Variants in C5orf46 observed in about 807,000 individuals in gnomAD.
The protein encoded by C5orf46 is uncharacterized protein C5orf46.
In C5orf46, 9 loss-of-function variants were observed where a neutral mutation model predicts 8.9. The ratio of observed to expected loss-of-function variants is 1.01; its 90% CI spans 0.61 to 1.76. C5orf46 has a LOEUF of 1.76. Among genes scored for constraint, C5orf46 ranks in the 40% most tolerant of loss-of-function variants. C5orf46 has a pLI of 0.00. For missense variants in C5orf46, 98 were observed against 107.8 expected (o/e 0.91, Z 0.40); for synonymous variants, 47 against 41.4 (o/e 1.14, Z -0.52).
Position 147,898,336 on chromosome 5 carries a change from C to A in C5orf46, c.216-1295G>T, listed in dbSNP as rs144186994. 3.6e-3 allele frequency among the ~76,000 whole-genome samples: 543 copies of A among 151,822 alleles called. 4 individuals are homozygous for A. Among genetic ancestry groups the A allele is most frequent in the African/African-American group, 0.013 (526 of 41,396 alleles). On this transcript the variant is annotated intron_variant, in intron 2 of 3. Transcript: ENST00000318315. Reference sequence around the variant, plus strand: ...ATATAGGGTAGAATATTCAGCAATTCGATGAAGGTGATGATGAGCAGGAAG... The same window carrying A: ...ATATAGGGTAGAATATTCAGCAATTAGATGAAGGTGATGATGAGCAGGAAG...
downstream of C5orf46, among the ~76,000 whole-genome samples, chr5:147,888,272 C>T (rs1278598551): frequency 6.6e-6 from 1 of 152,194 alleles, no homozygotes; most frequent in Admixed American, 6.5e-5. Context: ...TGGCTTCTTG[C>T]TTTACTCTGG....
At chr5:147,905,380 T>A (rs981869139) in intron 1 of C5orf46, among the ~76,000 whole-genome samples, 2 of 152,242 alleles carry the variant, frequency 1.3e-5, no homozygotes, top group African/African-American at 4.8e-5. Flanking sequence ...TCAGAGTTTA[T>A]AAGAGACAGG....
chr5:147,896,145 T>C (rs1294069525), intron 3 of C5orf46, among the ~76,000 whole-genome samples: 3 of 152,194 alleles, frequency 2.0e-5, no homozygotes, highest in East Asian at 3.9e-4. Flanking sequence ...TATTCTCCAC[T>C]GCCTTCTCCT....
At chr5:147,893,789 G>A (rs1006179975) in intron 3 of C5orf46, among the ~76,000 whole-genome samples, 9 of 151,878 alleles carry the variant, frequency 5.9e-5, no homozygotes, top group African/African-American at 1.2e-4. Context: ...TGATCTGCCC[G>A]CTCGGCCTCC....
intron 2 of C5orf46, among the ~76,000 whole-genome samples, chr5:147,898,938 A>G (rs967496861): frequency 1.3e-5 from 2 of 152,176 alleles, no homozygotes; most frequent in Non-Finnish European, 2.9e-5. Flanking sequence ...AGCATTTACT[A>G]TGCATCTGAC....
chr5:147,896,933 C>T (rs1438024151), intron 3 of C5orf46, 51 bp downstream of exon 3: 59 of 855,362 alleles, frequency 6.9e-5, no homozygotes, highest in East Asian at 3.0e-4. Context: ...ACTCTTTTTC[C>T]TTTGTCCAAT....
chr5:147,897,003 G>T lies in C5orf46; in HGVS notation c.254C>A (p.Ser85Ter). The T allele has an allele frequency of 1.3e-6, 2 of 1,511,282 alleles. No homozygotes were observed. Among genetic ancestry groups the T allele is most frequent in the Non-Finnish European group, 1.8e-6 (2 of 1,103,216 alleles). The allele number at this position is 1,511,282 out of a possible 1,614,324, so 93.6% of individuals were successfully genotyped here. Residue 85 changes from serine (S) to a stop codon, truncating the protein, a stop_gained, in exon 3 of 4, where the codon TCA (serine) becomes TAA (stop). Coordinates refer to ENST00000318315, the MANE Select transcript of C5orf46 (RefSeq NM_206966.3). LOFTEE classifies it high-confidence loss of function. ...AATCACCTGAGGATGTCACTTTGAT[G>T]AATGTTTTCCTTCATTATCATCAAA... Reference protein sequence around the residue: ...MEFDDNEGKHSSK With the variant: ...MEFDDNEGKH
chr5:147,891,801 G>T (rs1757506219), downstream of C5orf46, among the ~76,000 whole-genome samples: 1 of 152,166 alleles, frequency 6.6e-6, no homozygotes, highest in African/African-American at 2.4e-5. Flanking sequence ...CCTAGAAAAT[G>T]CAGAGTGTGA....
chr5:147,886,778 A>G (rs1757426878), intron 2 of C5orf46: 1 of 151,760 alleles, frequency 6.6e-6, no homozygotes, highest in South Asian at 2.1e-4. Context: ...ATTTTTTGTT[A>G]TTATAAAAAG....
chr5:147,897,843 A>G (rs1326905209), intron 2 of C5orf46, among the ~76,000 whole-genome samples: 1 of 152,182 alleles, frequency 6.6e-6, no homozygotes, highest in East Asian at 1.9e-4. Context: ...AGGCATTTTC[A>G]GCAGAGGGAA....
At position 147,906,464 on chromosome 5, in the gene C5orf46, C is replaced by T; in HGVS notation, c.38G>A (p.Gly13Glu). ...GCAGGTCAGGAATAAGACAAGCAGT[C>T]CCAGGACAACTGTCAGGCGAAGTAC... ...VSVLRLTVVL[G>E]LLVLFLTCYA... Residue 13 changes from glycine (G) to glutamate (E), a missense_variant, in exon 1 of 4, where the codon GGA becomes GAA. Physicochemically the swap from Gly to Glu is moderately conservative, Grantham distance 98. Transcript: ENST00000318315. 6.2e-7 allele frequency: 1 copy of T among 1,611,750 alleles called. No homozygotes were observed. Among genetic ancestry groups the T allele is most frequent in the Non-Finnish European group, 8.5e-7 (1 of 1,178,656 alleles).
intron 2 of C5orf46, chr5:147,886,628 A>T (rs1178658182): frequency 6.6e-6 from 1 of 151,258 alleles, no homozygotes; most frequent in Admixed American, 6.6e-5. Flanking sequence ...TTTTTTCAAG[A>T]CATTTTCTAA....
At position 147,892,758 on chromosome 5, in the gene C5orf46, C is replaced by A. The variant is rs750708371; in HGVS notation, c.*191G>T. ...AAAGCGCCATATTTATTCTAACTTTCTAAAAGCAAAAATGCAGTCAGGGTG... is the reference window on the plus strand; with the variant it reads ...AAAGCGCCATATTTATTCTAACTTTATAAAAGCAAAAATGCAGTCAGGGTG... On this transcript the variant is annotated 3_prime_UTR_variant, in exon 4 of 4. Coordinates refer to ENST00000318315, the MANE Select transcript of C5orf46 (RefSeq NM_206966.3). 3.3e-5 allele frequency: 5 copies of A among 152,202 alleles called. No individual in the cohort carries two copies. The highest frequency in any genetic ancestry group is 5.9e-5 in the Non-Finnish European group (4 of 68,034). 9.4% of individuals were successfully genotyped at this position (152,202 alleles called of 1,614,324 possible).
intron 3 of C5orf46, among the ~76,000 whole-genome samples, chr5:147,896,082 T>G (rs1212766614): frequency 6.6e-6 from 1 of 152,192 alleles, no homozygotes; most frequent in African/African-American, 2.4e-5. Flanking sequence ...AGGGGTGGTG[T>G]TGTATTTCTA....
At chr5:147,903,445 G>A (rs190972285) in intron 1 of C5orf46, among the ~76,000 whole-genome samples, 2 of 152,246 alleles carry the variant, frequency 1.3e-5, no homozygotes, top group Non-Finnish European at 2.9e-5. Flanking sequence ...TTTAACTCAA[G>A]AAGTCCCAAC....
At chr5:147,904,430 C>T (rs1757719183) in intron 1 of C5orf46, among the ~76,000 whole-genome samples, 1 of 152,192 alleles carries the variant, frequency 6.6e-6, no homozygotes, top group Non-Finnish European at 1.5e-5. Flanking sequence ...AATACAACCT[C>T]CAAACAATTG....
intron 1 of C5orf46, among the ~76,000 whole-genome samples, chr5:147,902,710 T>C: frequency 6.6e-6 from 1 of 152,208 alleles, no homozygotes; most frequent in Non-Finnish European, 1.5e-5. Context: ...GATTCTAAAG[T>C]ACTCTATGAT....
At chr5:147,896,048 A>G (rs1757575240) in intron 3 of C5orf46, among the ~76,000 whole-genome samples, 1 of 152,220 alleles carries the variant, frequency 6.6e-6, no homozygotes, top group Admixed American at 6.5e-5. Context: ...CTGAATATGC[A>G]GATAAAGTAA....
chr5:147,897,139 C>T, intron 2 of C5orf46, 98 bp from the exon 3 acceptor site: 1 of 500,714 alleles, frequency 2.0e-6, no homozygotes, highest in Non-Finnish European at 3.5e-6. Context: ...CCACACTGTT[C>T]TTCTCTAGAT....
Sources: gnomAD v4.1 joint callset for allele counts (sites outside exome capture counted in the v4.1 genomes callset) on GRCh38, gnomAD v4.1.1 for gene constraint, MANE v1.5 for transcripts, NCBI Gene and HGNC (gene_info 2026-07-23, HGNC 2026-07-21) for gene names.